EIF4G3: variants seen among roughly 807,000 people sequenced by gnomAD.
EIF4G3 encodes the protein eukaryotic translation initiation factor 4 gamma 3.
EIF4G3 carries 34 observed loss-of-function variants against 186.4 expected under a neutral mutation model. The ratio of observed to expected loss-of-function variants is 0.18; its 90% CI spans 0.14 to 0.24. EIF4G3 has a LOEUF of 0.24. Ranked by LOEUF, EIF4G3 falls within the 10% of genes least tolerant of loss-of-function variation. EIF4G3 has a pLI of 1.00. For missense variants in EIF4G3, 1,536 were observed against 1,948.5 expected, an observed-to-expected ratio of 0.79 and a Z score of 3.99; for synonymous variants, 673 against 679.5, an observed-to-expected ratio of 0.99 and a Z score of 0.15.
intron 11 of EIF4G3, among the ~76,000 whole-genome samples, chr1:20,971,219 C>A (rs1050452323): frequency 6.6e-6 from 1 of 152,204 alleles, no homozygotes; most frequent in Non-Finnish European, 1.5e-5. Flanking sequence ...ATACCTTAAT[C>A]AAGGCAGTCC....
intron 10 of EIF4G3, among the ~76,000 whole-genome samples, chr1:20,974,700 AAC>A (rs1272236534): frequency 6.6e-6 from 1 of 152,222 alleles, no homozygotes; most frequent in Non-Finnish European, 1.5e-5. Context: ...ATGTCAATGA[AAC>A]AGTGTGCCTA....
chr1:20,852,441 G>T (rs1463592226), intron 27 of EIF4G3, among the ~76,000 whole-genome samples: 2 of 152,174 alleles, frequency 1.3e-5, no homozygotes, highest in Non-Finnish European at 2.9e-5. Context: ...ATTATGCAAT[G>T]ATACCTTTTT....
At chr1:20,964,310 CA>C (rs1361086218) in intron 12 of EIF4G3, among the ~76,000 whole-genome samples, 6 of 152,166 alleles carry the variant, frequency 3.9e-5, no homozygotes, top group African/African-American at 1.2e-4. Context: ...AAACCAGCAG[CA>C]AGTGTTCTCG....
chr1:21,102,691 ATCCTCCTATTTTTCC>A (rs1393572712), intron 2 of EIF4G3, among the ~76,000 whole-genome samples: 3 of 152,120 alleles, frequency 2.0e-5, no homozygotes, highest in African/African-American at 7.2e-5. Flanking sequence ...CTTCCACTCC[ATCCTCCTATTTTTCC>A]TCCTCTCCAG....
At chr1:21,064,630 A>ACTGG (rs1165336940) in intron 3 of EIF4G3, 1 of 152,220 alleles carries the variant, frequency 6.6e-6, no homozygotes, top group African/African-American at 2.4e-5. Context: ...AACCTTGATC[A>ACTGG]GTTAGGAATG....
intron 17 of EIF4G3, among the ~76,000 whole-genome samples, chr1:20,894,054 T>C (rs1296557529): frequency 6.6e-6 from 1 of 152,074 alleles, no homozygotes; most frequent in African/African-American, 2.4e-5. Flanking sequence ...TTAGTTTTGA[T>C]GCTGTAGACT....
chr1:20,967,739 A>G (rs2075005145), intron 12 of EIF4G3, among the ~76,000 whole-genome samples: 2 of 152,200 alleles, frequency 1.3e-5, no homozygotes, highest in African/African-American at 4.8e-5. Flanking sequence ...TTTGATATTT[A>G]AGAATATTTT....
intron 10 of EIF4G3, among the ~76,000 whole-genome samples, chr1:20,978,469 G>T (rs2077295957): frequency 1.3e-5 from 2 of 152,036 alleles, no homozygotes; most frequent in Admixed American, 1.3e-4. Context: ...TCAGTTACCT[G>T]CAGTCAACCA....
chr1:20,931,861 G>A (rs1019873604), intron 14 of EIF4G3, among the ~76,000 whole-genome samples: 1 of 151,940 alleles, frequency 6.6e-6, no homozygotes, highest in Non-Finnish European at 1.5e-5. Flanking sequence ...GGAGGCGGAG[G>A]TTGCAGTGAG....
At chr1:21,096,983 T>C (rs2096388712) in intron 2 of EIF4G3, among the ~76,000 whole-genome samples, 1 of 152,166 alleles carries the variant, frequency 6.6e-6, no homozygotes, top group Non-Finnish European at 1.5e-5. Flanking sequence ...TATGACTGCA[T>C]GATGTGAATT....
intron 10 of EIF4G3, among the ~76,000 whole-genome samples, chr1:20,975,525 G>A (rs555441415): frequency 1.3e-5 from 2 of 151,470 alleles, no homozygotes; most frequent in East Asian, 3.9e-4. Flanking sequence ...AATGCAATTA[G>A]CAAAACATTA....
intron 33 of EIF4G3, among the ~76,000 whole-genome samples, chr1:20,823,009 G>A (rs987170114): frequency 3.9e-5 from 6 of 152,002 alleles, no homozygotes; most frequent in Non-Finnish European, 7.4e-5. Flanking sequence ...TTTCATGGTT[G>A]CTACTGCAAA....
At chr1:21,107,908 G>A (rs1188490147) in intron 2 of EIF4G3, among the ~76,000 whole-genome samples, 1 of 152,256 alleles carries the variant, frequency 6.6e-6, no homozygotes, top group Non-Finnish European at 1.5e-5. Context: ...AGAACTTTGG[G>A]AGGCCAAGGC....
chr1:20,864,905 T>A (rs1571881352), intron 21 of EIF4G3, among the ~76,000 whole-genome samples, 193 bp from the exon 22 acceptor site: 1 of 152,142 alleles, frequency 6.6e-6, no homozygotes, highest in South Asian at 2.1e-4. Flanking sequence ...TTAGATTGAA[T>A]GGCTGGCATG....
In EIF4G3 at chr1:21,176,891, G is replaced by T. The variant is rs2098121489; in HGVS notation, c.-625C>A. ...GTGGCCGCCTCCAGCAGTCCGGCAG[G>T]ACGGCTGCTCGGAAAACTTCGGACT... On this transcript the variant is annotated 5_prime_UTR_variant, in exon 1 of 37. Coordinates refer to ENST00000602326, the MANE Select transcript of EIF4G3 (RefSeq NM_001391906.1). 1.4e-6 allele frequency: 1 copy of T among 691,370 alleles called. No individual in the cohort carries two copies. The highest frequency in any genetic ancestry group is 1.8e-5 in the African/African-American group (1 of 56,200). The allele number at this position is 691,370 out of a possible 1,614,324, so 42.8% of individuals were successfully genotyped here.
rs528458651 is a variant in EIF4G3 at position 21,145,331 on chromosome 1, A to G, written c.-272+30844T>C. 1.1e-3 allele frequency among the ~76,000 whole-genome samples: 126 copies of G among 110,226 alleles called. No homozygotes were observed. In the East Asian group the frequency reaches 0.054, roughly 48 times the overall value. 72.3% of individuals were successfully genotyped at this position (110,226 alleles called of 152,430 possible). ...AGCTAAAAAACAAAACAAAACAAAC[A>G]AACAAAAAAAACCCTAGGGTTTAAC... is the stretch of plus-strand genomic sequence containing the variant. On this transcript the variant is annotated intron_variant, in intron 2 of 36. Coordinates refer to ENST00000602326, the MANE Select transcript of EIF4G3 (RefSeq NM_001391906.1).
intron 30 of EIF4G3, among the ~76,000 whole-genome samples, chr1:20,836,169 G>A (rs1350932144): frequency 6.6e-6 from 1 of 152,150 alleles, no homozygotes; most frequent in Admixed American, 6.5e-5. Flanking sequence ...TTTTGGTAGA[G>A]ATAGGGTTTC....
chr1:21,141,480 GAAAA>G (rs1221266065), intron 2 of EIF4G3, among the ~76,000 whole-genome samples: 1 of 70,008 alleles, frequency 1.4e-5, no homozygotes, highest in Non-Finnish European at 3.0e-5. Context: ...CCTACCAAGA[GAAAA>G]AAAAAAAAAA....
At chr1:20,813,398 T>TAAAAAA (rs11303095) in intron 34 of EIF4G3, among the ~76,000 whole-genome samples, 159 bp from the exon 35 acceptor site, 1 of 81,824 alleles carries the variant, frequency 1.2e-5, no homozygotes, top group Non-Finnish European at 2.2e-5. Flanking sequence ...CCCTATCTCT[T>TAAAAAA]AAAAAAAAAA....
Sources: gnomAD v4.1 joint callset for allele counts (sites outside exome capture counted in the v4.1 genomes callset) on GRCh38, gnomAD v4.1.1 for gene constraint, MANE v1.5 for transcripts, NCBI Gene and HGNC (gene_info 2026-07-23, HGNC 2026-07-21) for gene names.